USP25: variants seen among roughly 807,000 people sequenced by gnomAD.
USP25 encodes the protein ubiquitin specific peptidase 25.
In USP25, 85 loss-of-function variants were observed where a neutral mutation model predicts 158.5. That is an observed-to-expected ratio of 0.54 (90% CI 0.45 to 0.64). USP25 has a LOEUF of 0.64. Ranked by LOEUF, USP25 falls within the 30% of genes least tolerant of loss-of-function variation. The pLI is 0.00. For synonymous variants in USP25, 464 were observed against 460.4 expected, an observed-to-expected ratio of 1.01 and a Z score of -0.10; for missense variants, 1,242 against 1,327.3, an observed-to-expected ratio of 0.94 and a Z score of 1.00.
At chr21:15,793,970 C>CA (rs957232313) in intron 5 of USP25, among the ~76,000 whole-genome samples, 11 of 151,540 alleles carry the variant, frequency 7.3e-5, no homozygotes, top group Admixed American at 6.6e-4. Context: ...AAAGTTGGGC[C>CA]AAAAATCTAC....
intron 22 of USP25, among the ~76,000 whole-genome samples, chr21:15,869,781 CTGAT>C (rs1301456392): frequency 1.3e-5 from 2 of 151,962 alleles, no homozygotes; most frequent in Non-Finnish European, 2.9e-5. Context: ...TTGAGATGAC[CTGAT>C]TGATTATCCT....
chr21:15,730,887 C>A (rs891846639), intron 1 of USP25, among the ~76,000 whole-genome samples: 1 of 151,834 alleles, frequency 6.6e-6, no homozygotes, highest in African/African-American at 2.4e-5. Context: ...CCTCGCGGGG[C>A]AGGCGTGTTG....
intron 22 of USP25, among the ~76,000 whole-genome samples, chr21:15,869,137 A>G (rs1490090755): frequency 6.6e-6 from 1 of 152,022 alleles, no homozygotes; most frequent in Non-Finnish European, 1.5e-5. Flanking sequence ...AATTCAAGCT[A>G]CTTGGGAGAC....
At chr21:15,752,233 T>A (rs1376866509) in intron 1 of USP25, among the ~76,000 whole-genome samples, 1 of 147,880 alleles carries the variant, frequency 6.8e-6, no homozygotes, top group Non-Finnish European at 1.5e-5. Flanking sequence ...GCACCCTTTT[T>A]TTTTGAGATG....
At chr21:15,758,310 A>G (rs562934228) in intron 1 of USP25, among the ~76,000 whole-genome samples, 2 of 152,202 alleles carry the variant, frequency 1.3e-5, no homozygotes, top group South Asian at 2.1e-4. Flanking sequence ...TGTGTCCCCA[A>G]CCACATCTCA....
chr21:15,775,366 A>T (rs974006938), intron 3 of USP25, among the ~76,000 whole-genome samples: 1 of 152,158 alleles, frequency 6.6e-6, no homozygotes, highest in Non-Finnish European at 1.5e-5. Context: ...TCTTTAAAAA[A>T]TCACTGGAAG....
intron 23 of USP25, among the ~76,000 whole-genome samples, chr21:15,870,694 T>TAATG: frequency 6.6e-6 from 1 of 152,238 alleles, no homozygotes; most frequent in Non-Finnish European, 1.5e-5. Context: ...ACATATTTCT[T>TAATG]AATGCGTGTT....
At chr21:15,851,139 G>A (rs149387445) in intron 20 of USP25, among the ~76,000 whole-genome samples, 82 of 150,460 alleles carry the variant, frequency 5.4e-4, no homozygotes, top group African/African-American at 1.9e-3. Flanking sequence ...CTGAATATAT[G>A]TCCTCTAAAG....
In USP25 at chr21:15,762,941, C is replaced by T. The variant is rs147366320; in HGVS notation, c.96C>T (p.Asp32=). The T allele has an allele frequency of 9.4e-5, 152 of 1,612,664 alleles. No individual in the cohort carries two copies. In the African/African-American group the frequency reaches 1.1e-3, roughly 12 times the overall value. Residue 32 remains aspartate (D), a synonymous_variant, in exon 2 of 26, where the codon GAC becomes GAT. Coordinates refer to ENST00000400183, the MANE Select transcript of USP25 (RefSeq NM_001283041.3). ...NQLREITGIN[D]TQILQQALKD... ...TGAGAGAAATTACGGGGATTAATGA[C>T]ACCCAGATACTACAGCAAGCCTTGA... is the stretch of plus-strand genomic sequence containing the variant.
intron 2 of USP25, among the ~76,000 whole-genome samples, chr21:15,764,647 A>G (rs2033928860): frequency 6.6e-6 from 1 of 152,186 alleles, no homozygotes; most frequent in Non-Finnish European, 1.5e-5. Context: ...GAGGTAATAT[A>G]TGAAAAACAC....
intron 11 of USP25, among the ~76,000 whole-genome samples, 180 bp downstream of exon 11, chr21:15,824,346 G>A (rs2037383264): frequency 6.6e-6 from 1 of 152,036 alleles, no homozygotes; most frequent in South Asian, 2.1e-4. Flanking sequence ...TAGTTTTTGG[G>A]AATAATGTTA....
At position 15,830,596 on chromosome 21, in the gene USP25, A is replaced by G. The variant is rs1383783681; in HGVS notation, c.1759A>G (p.Ile587Val). 3.8e-6 allele frequency: 6 copies of G among 1,590,320 alleles called. No individual in the cohort carries two copies. Among genetic ancestry groups the G allele is most frequent in the Non-Finnish European group, 4.3e-6 (5 of 1,169,254 alleles). ...ATTAATGTACTCTGACAAATCTATG[A>G]TACAAGTAAGTGAAATTTTGAGCTA... ...IELMYSDKSM[I>V]QVPYRLHAVL... Residue 587 changes from isoleucine to valine, a missense_variant, in exon 15 of 26, where the codon ATA becomes GTA. Physicochemically the swap from Ile to Val is conservative, Grantham distance 29 (BLOSUM62 3). This residue lies in a region of USP25 where 627 missense variants were observed against 701.4 expected (regional missense o/e 0.89). Coordinates refer to ENST00000400183, the MANE Select transcript of USP25 (RefSeq NM_001283041.3).
intron 18 of USP25, among the ~76,000 whole-genome samples, chr21:15,845,165 G>A (rs1014699745): frequency 1.3e-5 from 2 of 152,068 alleles, no homozygotes; most frequent in African/African-American, 4.8e-5. Context: ...TAATGTGGCC[G>A]TGGACTTAGA....
chr21:15,741,503 C>T (rs1376391082), intron 1 of USP25, among the ~76,000 whole-genome samples: 1 of 152,126 alleles, frequency 6.6e-6, no homozygotes, highest in African/African-American at 2.4e-5. Context: ...CAACACCTGG[C>T]ATTTTTAATC....
chr21:15,776,890 G>T (rs181688674), intron 3 of USP25, among the ~76,000 whole-genome samples: 6 of 152,118 alleles, frequency 3.9e-5, no homozygotes, highest in Non-Finnish European at 8.8e-5. Context: ...GGCAAAACGT[G>T]TCCAAAATAC....
chr21:15,790,474 TTAATC>T (rs1235547773), intron 4 of USP25, among the ~76,000 whole-genome samples: 1 of 151,972 alleles, frequency 6.6e-6, no homozygotes, highest in Non-Finnish European at 1.5e-5. Flanking sequence ...TATTTTGACA[TTAATC>T]TGATAGGATA....
At chr21:15,847,633 A>G in intron 18 of USP25, 30 bp from the exon 19 acceptor site, 5 of 1,449,112 alleles carry the variant, frequency 3.5e-6, no homozygotes, top group Admixed American at 2.0e-5. Flanking sequence ...TCTCTTTTCT[A>G]ATGTTTATAT....
chr21:15,826,811 T>C lies in USP25; in HGVS notation c.1467-166T>C. 1.3e-5 allele frequency among the ~76,000 whole-genome samples: 2 copies of C among 152,362 alleles called. No individual in the cohort carries two copies. Among genetic ancestry groups the C allele is most frequent in the Middle Eastern group, 3.4e-3 (1 of 294 alleles). ...ACAACTTCATCTTATAATAATTTAGTTCTTATGTATTAAAAATCTCATTTG... is the reference window on the plus strand; with the variant it reads ...ACAACTTCATCTTATAATAATTTAGCTCTTATGTATTAAAAATCTCATTTG... On this transcript the variant is annotated intron_variant, in intron 13 of 25. Transcript: ENST00000400183. This position sits in a 1 kb window ranked among gnomAD's most constrained non-coding sequence, Gnocchi z 4.8.
At chr21:15,856,594 C>T (rs1364126602) in intron 20 of USP25, among the ~76,000 whole-genome samples, 1 of 152,118 alleles carries the variant, frequency 6.6e-6, no homozygotes, top group African/African-American at 2.4e-5. Context: ...GCCTCAGCCT[C>T]CCAAGTAGCT....
Sources: gnomAD v4.1 joint callset for allele counts (sites outside exome capture counted in the v4.1 genomes callset) on GRCh38, gnomAD v4.1.1 for gene constraint, gnomAD v4.1.1 regional missense constraint, Gnocchi (gnomAD v3.1) non-coding constraint, MANE v1.5 for transcripts, NCBI Gene and HGNC (gene_info 2026-07-23, HGNC 2026-07-21) for gene names.